Variants in ATP2B1 observed in about 807,000 individuals in gnomAD.
The protein encoded by ATP2B1 is ATPase plasma membrane Ca2+ transporting 1, also known as plasma membrane calcium-transporting ATPase 1.
A neutral mutation model predicts 124.2 loss-of-function variants in ATP2B1; 14 were observed. The ratio of observed to expected loss-of-function variants is 0.11; its 90% CI spans 0.07 to 0.18. The LOEUF (loss-of-function observed/expected upper bound fraction) is 0.18, where lower values mean the gene tolerates loss of function less well. ATP2B1 is among the 10% of genes least tolerant of loss of function. The pLI is 1.00. For synonymous variants in ATP2B1, 449 were observed against 492.4 expected (o/e 0.91, Z 1.17); for missense variants, 763 against 1,466.1 (o/e 0.52, Z 7.83).
At chr12:89,623,931 A>G (rs1327174727) in intron 9 of ATP2B1, among the ~76,000 whole-genome samples, 2 of 152,210 alleles carry the variant, frequency 1.3e-5, no homozygotes, top group Admixed American at 1.3e-4. Context: ...AAATTATGCT[A>G]GAACTTTGCC....
At chr12:89,669,526 G>A (rs1475135812) in intron 1 of ATP2B1, among the ~76,000 whole-genome samples, 1 of 152,090 alleles carries the variant, frequency 6.6e-6, no homozygotes, top group Non-Finnish European at 1.5e-5. Flanking sequence ...AACAACTTAC[G>A]TAGTGCTTCA....
At chr12:89,620,539 T>C (rs1324223992) in intron 10 of ATP2B1, among the ~76,000 whole-genome samples, 1 of 152,198 alleles carries the variant, frequency 6.6e-6, no homozygotes. Flanking sequence ...AATTAAGTGA[T>C]ATAAGATGTA....
intron 1 of ATP2B1, among the ~76,000 whole-genome samples, chr12:89,665,599 A>G (rs1306514018): frequency 6.6e-6 from 1 of 152,230 alleles, no homozygotes; most frequent in East Asian, 1.9e-4. Flanking sequence ...AACATACTAT[A>G]TCTCCAGTTA....
At chr12:89,643,903 C>T (rs1884038131) in intron 2 of ATP2B1, among the ~76,000 whole-genome samples, 1 of 152,174 alleles carries the variant, frequency 6.6e-6, no homozygotes, top group Non-Finnish European at 1.5e-5. Context: ...AGGCAGATCA[C>T]CTGAGGTCGG....
At chr12:89,654,071 G>A (rs935125528) in intron 2 of ATP2B1, among the ~76,000 whole-genome samples, 1 of 152,122 alleles carries the variant, frequency 6.6e-6, no homozygotes, top group Non-Finnish European at 1.5e-5. Flanking sequence ...TGATTAAGCT[G>A]AATTAATAGA....
chr12:89,633,085 T>C (rs1882128462), intron 5 of ATP2B1, among the ~76,000 whole-genome samples: 1 of 152,172 alleles, frequency 6.6e-6, no homozygotes, highest in Non-Finnish European at 1.5e-5. Flanking sequence ...ATTAGATAGC[T>C]TCCCTCTCCT....
intron 12 of ATP2B1, among the ~76,000 whole-genome samples, chr12:89,613,443 C>A (rs963745445): frequency 2.0e-5 from 3 of 152,276 alleles, no homozygotes; most frequent in African/African-American, 7.2e-5. Context: ...TGCATTTACT[C>A]AAACTAATAT....
chr12:89,667,386 A>G (rs985540721), intron 1 of ATP2B1, among the ~76,000 whole-genome samples: 8 of 152,064 alleles, frequency 5.3e-5, no homozygotes, highest in Non-Finnish European at 7.4e-5. Flanking sequence ...AATCTTTACC[A>G]CATCTTAAAT....
At chr12:89,606,350 G>A (rs1486655004) in intron 15 of ATP2B1, among the ~76,000 whole-genome samples, 1 of 152,156 alleles carries the variant, frequency 6.6e-6, no homozygotes, top group Non-Finnish European at 1.5e-5. Context: ...AAAAGAAGCA[G>A]CTAAAACAGT....
intron 6 of ATP2B1, among the ~76,000 whole-genome samples, chr12:89,629,174 T>C (rs1881433946): frequency 1.3e-5 from 2 of 152,138 alleles, no homozygotes; most frequent in Admixed American, 1.3e-4. Flanking sequence ...GACTTTCAAC[T>C]CTTGTGGATT....
chr12:89,700,786 G>A (rs1891756786), intron 1 of ATP2B1, among the ~76,000 whole-genome samples: 1 of 152,120 alleles, frequency 6.6e-6, no homozygotes, highest in Non-Finnish European at 1.5e-5. Context: ...GCAAGTCTTA[G>A]AACTCCTTCC....
At chr12:89,624,684 G>A (rs188953552) in intron 8 of ATP2B1, among the ~76,000 whole-genome samples, 3 of 152,134 alleles carry the variant, frequency 2.0e-5, no homozygotes, top group South Asian at 2.1e-4. Flanking sequence ...AAAATAATAC[G>A]CAATGATAAG....
intron 1 of ATP2B1, among the ~76,000 whole-genome samples, chr12:89,694,640 T>A (rs1457587688): frequency 5.3e-5 from 8 of 152,032 alleles, no homozygotes; most frequent in Admixed American, 5.2e-4. Flanking sequence ...AGTCCAACAT[T>A]ATGAAAAACT....
At chr12:89,702,705 G>A (rs746540015) in intron 1 of ATP2B1, among the ~76,000 whole-genome samples, 4 of 152,178 alleles carry the variant, frequency 2.6e-5, no homozygotes, top group Non-Finnish European at 5.9e-5. Flanking sequence ...CACAGTGTAA[G>A]CAAGCATTGG....
At chr12:89,612,367 G>C (rs1878171811) in intron 12 of ATP2B1, among the ~76,000 whole-genome samples, 1 of 151,878 alleles carries the variant, frequency 6.6e-6, no homozygotes, top group South Asian at 2.1e-4. Flanking sequence ...TCCTACTGGA[G>C]CAGGGGTTGC....
intron 13 of ATP2B1, chr12:89,610,768 T>C: frequency 2.4e-6 from 1 of 420,040 alleles, no homozygotes; most frequent in Non-Finnish European, 4.2e-6. Context: ...AAGCCACTGT[T>C]TTTATATATC....
rs192684290 is a variant in ATP2B1, at chr12:89,659,395, C to T, written c.-221-3288G>A. On this transcript the variant is annotated intron_variant, in intron 1 of 20. Coordinates refer to ENST00000428670, the MANE Select transcript of ATP2B1 (RefSeq NM_001366521.1). ...ACACACACACACACGCACAAGCACA[C>T]GTAGCGGAAGACTGGAGGTGGGCAA... 4.8e-3 allele frequency among the ~76,000 whole-genome samples: 727 copies of T among 151,134 alleles called. 8 individuals carry two copies. Among genetic ancestry groups the T allele is most frequent in the Non-Finnish European group, 8.5e-3 (578 of 67,698 alleles).
intron 1 of ATP2B1, among the ~76,000 whole-genome samples, chr12:89,681,035 T>C (rs984384596): frequency 6.6e-6 from 1 of 152,158 alleles, no homozygotes; most frequent in African/African-American, 2.4e-5. Flanking sequence ...AGGAATTTAT[T>C]AGAGAGTGAA....
chr12:89,628,039 GA>G (rs1218763941), intron 6 of ATP2B1, among the ~76,000 whole-genome samples: 7 of 152,142 alleles, frequency 4.6e-5, no homozygotes, highest in African/African-American at 9.7e-5. Flanking sequence ...CAAGAAAGCA[GA>G]AAAGGGCAGA....
Sources: gnomAD v4.1 joint callset for allele counts (sites outside exome capture counted in the v4.1 genomes callset) on GRCh38, gnomAD v4.1.1 for gene constraint, MANE v1.5 for transcripts, NCBI Gene and HGNC (gene_info 2026-07-23, HGNC 2026-07-21) for gene names.